The following ST8SIA1 variants were observed in gnomAD, a reference collection of about 807,000 sequenced individuals.
ST8SIA1 encodes ST8 alpha-N-acetyl-neuraminide alpha-2,8-sialyltransferase 1, also known as alpha-N-acetylneuraminide alpha-2,8-sialyltransferase.
Under a neutral mutation model 35.9 loss-of-function variants are expected in ST8SIA1, and 16 were observed. The observed-to-expected ratio is 0.45, with a 90% CI of 0.30 to 0.68. The LOEUF is 0.68. ST8SIA1 is among the 30% of genes least tolerant of loss of function. The pLI, the probability that ST8SIA1 is intolerant of heterozygous loss-of-function variation, is 0.09. For missense variants in ST8SIA1, 383 were observed against 453.6 expected, an observed-to-expected ratio of 0.84 and a Z score of 1.41; for synonymous variants, 170 against 169.6, an observed-to-expected ratio of 1.00 and a Z score of -0.02.
At position 22,199,316 on chromosome 12, in the gene ST8SIA1, C is replaced by T. The variant is rs1213121291; in HGVS notation, c.*2236G>A. On this transcript the variant is annotated 3_prime_UTR_variant, in exon 5 of 5. Transcript: ENST00000396037. The stretch of plus-strand genomic sequence containing the variant: ...TGTGATGTATGGGCTCTATGGAGCT[C>T]ATTAATTACATTTTAACAATTAAAG... The T allele has an allele frequency of 6.6e-6, 1 of 151,624 alleles. No homozygotes were observed. Among genetic ancestry groups the T allele is most frequent in the African/African-American group, 2.4e-5 (1 of 41,242 alleles). The allele number at this position is 151,624 out of a possible 1,614,324, so 9.4% of individuals were successfully genotyped here. A position where few individuals can be genotyped will look rare whatever the true frequency, so the allele number is the denominator to read the frequency against.
intron 4 of ST8SIA1, among the ~76,000 whole-genome samples, chr12:22,216,836 A>G (rs1218928551): frequency 6.6e-6 from 1 of 152,246 alleles, no homozygotes; most frequent in Non-Finnish European, 1.5e-5. Flanking sequence ...TCTTACCAAA[A>G]TATGGTATAC....
rs1027950825 is a variant in ST8SIA1, at chr12:22,196,193, C to T, written c.*5359G>A. 6.6e-6 allele frequency: 1 copy of T among 152,126 alleles called. No individual in the cohort carries two copies. The highest frequency in any genetic ancestry group is 1.5e-5 in the Non-Finnish European group (1 of 68,034). 9.4% of individuals were successfully genotyped at this position (152,126 alleles called of 1,614,324 possible). A position where few individuals can be genotyped will look rare whatever the true frequency, so the allele number is the denominator to read the frequency against. On this transcript the variant is annotated 3_prime_UTR_variant, in exon 5 of 5. Transcript: ENST00000396037. Reference sequence around the variant, plus strand: ...TGATTATCTGGCAAATGCTCGCAGGCATGTAAGTCAATTTAAAATATGGTA... The same window carrying T: ...TGATTATCTGGCAAATGCTCGCAGGTATGTAAGTCAATTTAAAATATGGTA...
chr12:22,262,647 T>G (rs541798372), intron 2 of ST8SIA1, among the ~76,000 whole-genome samples: 1 of 152,118 alleles, frequency 6.6e-6, no homozygotes, highest in African/African-American at 2.4e-5. Context: ...AGGAAGTGCA[T>G]GGAGAAAAAG....
In ST8SIA1 at chr12:22,334,138, G is replaced by A; in HGVS notation, c.95C>T (p.Ala32Val). 1 of 1,614,058 alleles carries A rather than the reference G, an allele frequency of 6.2e-7. No homozygotes were observed. The highest frequency in any genetic ancestry group is 8.5e-7 in the Non-Finnish European group (1 of 1,179,988). ...KFPRTRLPMG[A>V]SALCVVVLCW... Reference sequence around the variant, plus strand: ...GAGGACCACGACACAGAGGGCACTGGCTCCCATGGGCAGCCGGGTCCGCGG... The same window carrying A: ...GAGGACCACGACACAGAGGGCACTGACTCCCATGGGCAGCCGGGTCCGCGG... Residue 32 changes from alanine to valine, a missense_variant, in exon 1 of 5, where the codon GCC becomes GTC. Transcript: ENST00000396037.
chr12:22,320,341 C>G (rs1352576111), intron 1 of ST8SIA1, among the ~76,000 whole-genome samples: 3 of 152,130 alleles, frequency 2.0e-5, no homozygotes, highest in Non-Finnish European at 4.4e-5. Context: ...CTAAGTACCC[C>G]ATCTTTTATG....
intron 4 of ST8SIA1, among the ~76,000 whole-genome samples, chr12:22,212,652 C>G (rs1021598833): frequency 2.0e-5 from 3 of 152,176 alleles, no homozygotes; most frequent in Non-Finnish European, 4.4e-5. Flanking sequence ...CTCTTCACCT[C>G]GCAAGCTAAC....
At chr12:22,247,691 G>T (rs1480536622) in intron 4 of ST8SIA1, among the ~76,000 whole-genome samples, 3 of 151,944 alleles carry the variant, frequency 2.0e-5, no homozygotes, top group Non-Finnish European at 4.4e-5. Context: ...TCCAAAGAAA[G>T]ATTGTTTTTA....
intron 4 of ST8SIA1, among the ~76,000 whole-genome samples, chr12:22,235,387 A>AATTTAGCAATACAAATAT (rs1865466082): frequency 6.6e-6 from 1 of 152,366 alleles, no homozygotes; most frequent in Non-Finnish European, 1.5e-5. Flanking sequence ...TTACAAATAT[A>AATTTAGCAATACAAATAT]AATTTAGCAA....
intron 2 of ST8SIA1, among the ~76,000 whole-genome samples, chr12:22,269,448 C>G (rs1865886212): frequency 6.6e-6 from 1 of 152,124 alleles, no homozygotes; most frequent in South Asian, 2.1e-4. Context: ...AAAATGGGAT[C>G]AGGTGATCCC....
chr12:22,323,787 T>C (rs1159775973), intron 1 of ST8SIA1, among the ~76,000 whole-genome samples: 1 of 152,160 alleles, frequency 6.6e-6, no homozygotes, highest in African/African-American at 2.4e-5. Flanking sequence ...TTCTCACTTA[T>C]AAGTGAGAGC....
At chr12:22,251,803 T>C (rs1004867258) in intron 3 of ST8SIA1, among the ~76,000 whole-genome samples, 2 of 152,232 alleles carry the variant, frequency 1.3e-5, no homozygotes, top group Non-Finnish European at 2.9e-5. Context: ...AAGTGAATAT[T>C]CTTTGAATTG....
At position 22,198,095 on chromosome 12, in the gene ST8SIA1, G is replaced by A. The variant is rs906400927; in HGVS notation, c.*3457C>T. 6.6e-6 allele frequency: 1 copy of A among 151,964 alleles called. No homozygotes were observed. The highest frequency in any genetic ancestry group is 1.5e-5 in the Non-Finnish European group (1 of 67,994). The allele number at this position is 151,964 out of a possible 1,614,324, so 9.4% of individuals were successfully genotyped here. A position where few individuals can be genotyped will look rare whatever the true frequency, so the allele number is the denominator to read the frequency against. ...TTGGAATCAATGCAGTTCTCAAATC[G>A]AGGCTAATAAAAACTAAAATTCTAT... On this transcript the variant is annotated 3_prime_UTR_variant, in exon 5 of 5. Coordinates refer to ENST00000396037, the MANE Select transcript of ST8SIA1 (RefSeq NM_003034.4).
intron 4 of ST8SIA1, chr12:22,223,388 A>G (rs1865321582): frequency 2.7e-6 from 1 of 373,910 alleles, no homozygotes; most frequent in Non-Finnish European, 3.7e-6. Flanking sequence ...CTGGATCACA[A>G]AATAATCATT....
chr12:22,232,662 G>T (rs536599351), intron 4 of ST8SIA1, among the ~76,000 whole-genome samples: 1 of 152,002 alleles, frequency 6.6e-6, no homozygotes, highest in Admixed American at 6.6e-5. Context: ...CCTGAGACTG[G>T]ATAAAATCCT....
intron 1 of ST8SIA1, among the ~76,000 whole-genome samples, chr12:22,314,040 G>C (rs1409178248): frequency 6.6e-6 from 1 of 152,120 alleles, no homozygotes; most frequent in Non-Finnish European, 1.5e-5. Flanking sequence ...GAGTTGCTTT[G>C]TCTGAGGAGG....
In ST8SIA1 at chr12:22,194,779, G is replaced by T. The variant is rs12816175; in HGVS notation, c.*6773C>A. ...GCTATGCATAGCCCACTTTCCAAGG[G>T]TGAGGGTCAAAGTGACACTTGCTGC... is the stretch of plus-strand genomic sequence containing the variant. On this transcript the variant is annotated 3_prime_UTR_variant, in exon 5 of 5. Coordinates refer to ENST00000396037, the MANE Select transcript of ST8SIA1 (RefSeq NM_003034.4). 19,244 of 152,238 alleles carry T rather than the reference G, an allele frequency of 0.13. 1,553 individuals are homozygous for T. The highest frequency in any genetic ancestry group is 0.21 in the Middle Eastern group (60 of 292). 9.4% of individuals were successfully genotyped at this position (152,238 alleles called of 1,614,324 possible).
At chr12:22,203,247 C>A (rs10841974) in intron 4 of ST8SIA1, among the ~76,000 whole-genome samples, 97,499 of 151,854 alleles carry the variant, frequency 0.64, 31,573 homozygotes, top group South Asian at 0.83. Context: ...AAAGCAATGA[C>A]CTAGATTAGG....
rs192689392 is a variant in ST8SIA1 at position 22,247,403 on chromosome 12, T to C, written c.584+1603A>G. ...TTATGTAGAGCCTTCTTGTAAATTG[T>C]TTTTTGCAATTTTCTGTGAATCTAC... On this transcript the variant is annotated intron_variant, in intron 4 of 4. Transcript: ENST00000396037. 8.2e-4 allele frequency among the ~76,000 whole-genome samples: 125 copies of C among 152,252 alleles called. 1 individual carries two copies. The highest frequency in any genetic ancestry group is 2.6e-3 in the African/African-American group (109 of 41,552).
At chr12:22,211,113 A>G (rs1865171023) in intron 4 of ST8SIA1, among the ~76,000 whole-genome samples, 1 of 152,194 alleles carries the variant, frequency 6.6e-6, no homozygotes, top group Admixed American at 6.5e-5. Context: ...TAATTTGTCT[A>G]AAGTTTTCCT....
Sources: gnomAD v4.1 joint callset for allele counts (sites outside exome capture counted in the v4.1 genomes callset) on GRCh38, gnomAD v4.1.1 for gene constraint, MANE v1.5 for transcripts, NCBI Gene and HGNC (gene_info 2026-07-23, HGNC 2026-07-21) for gene names.